Variants in TRMT9B observed in about 807,000 individuals in gnomAD.
TRMT9B encodes the protein tRNA methyltransferase 9B (putative).
In TRMT9B, 16 loss-of-function variants were observed where a neutral mutation model predicts 11.5. That is an observed-to-expected ratio of 1.39 (90% CI 0.94 to 2.11). TRMT9B has a LOEUF of 2.11. TRMT9B is among the 30% of genes most tolerant of loss of function. The pLI, the probability that TRMT9B is intolerant of heterozygous loss-of-function variation, is 0.00. For synonymous variants in TRMT9B, 274 were observed against 192.4 expected (o/e 1.42, Z -3.51); for missense variants, 941 against 553.8 (o/e 1.70, Z -7.02).
intron 2 of TRMT9B, among the ~76,000 whole-genome samples, chr8:13,004,546 T>A (rs564574433): frequency 6.4e-4 from 97 of 152,074 alleles, no homozygotes; most frequent in African/African-American, 2.3e-3. Flanking sequence ...CCAGATGATA[T>A]TTCTAGACAC....
intron 3 of TRMT9B, chr8:13,010,166 T>A: frequency 1.1e-5 from 8 of 719,860 alleles, no homozygotes; most frequent in African/African-American, 1.9e-5. Flanking sequence ...TCACAAATAA[T>A]ATTCTTTAAA....
At chr8:13,010,018 G>C (rs1028842501) in intron 3 of TRMT9B, among the ~76,000 whole-genome samples, 7 of 151,820 alleles carry the variant, frequency 4.6e-5, no homozygotes, top group African/African-American at 1.7e-4. Context: ...CGTGCCTGTA[G>C]TCTCAGCTAC....
At chr8:12,961,795 G>C (rs1802151746) in intron 1 of TRMT9B, 1 of 151,806 alleles carries the variant, frequency 6.6e-6, no homozygotes, top group Non-Finnish European at 1.5e-5. Context: ...CAAGTCAAAA[G>C]AATTAACAAA....
intron 1 of TRMT9B, among the ~76,000 whole-genome samples, chr8:12,986,093 C>G (rs1585211988): frequency 6.6e-6 from 1 of 152,114 alleles, no homozygotes; most frequent in Non-Finnish European, 1.5e-5. Context: ...AACTCCTGAC[C>G]TCAGGTGATC....
In TRMT9B at chr8:12,990,917, AT is replaced by A. The variant is rs1313216607; in HGVS notation, c.-113del. 2.3e-6 allele frequency: 3 copies of A among 1,289,398 alleles called. No homozygotes were observed. The highest frequency in any genetic ancestry group is 2.5e-5 in the South Asian group (2 of 80,992). 79.9% of individuals were successfully genotyped at this position (1,289,398 alleles called of 1,614,324 possible). A position where few individuals can be genotyped will look rare whatever the true frequency, so the allele number is the denominator to read the frequency against. On this transcript the variant is annotated 5_prime_UTR_variant, in exon 2 of 5. An upstream open reading frame in the 5' UTR gains an earlier in-frame stop. Transcript: ENST00000524591. The stretch of plus-strand genomic sequence containing the variant: ...TTTCATTTCACTCCTACAAGTTTTC[AT>A]TTACGTTACACATTGAGAAAGTTAT...
chr8:12,986,116 C>T (rs1157199222), intron 1 of TRMT9B, among the ~76,000 whole-genome samples: 2 of 152,172 alleles, frequency 1.3e-5, no homozygotes, highest in South Asian at 4.1e-4. Flanking sequence ...CCTATCCCGG[C>T]CTCCCAAAGT....
chr8:12,972,280 C>A (rs1803753624), intron 1 of TRMT9B, among the ~76,000 whole-genome samples: 2 of 152,098 alleles, frequency 1.3e-5, no homozygotes, highest in Admixed American at 6.6e-5. Context: ...AGAGCTGGGA[C>A]CCAGACTCCC....
intron 1 of TRMT9B, among the ~76,000 whole-genome samples, chr8:12,976,291 C>T (rs1345582122): frequency 6.6e-6 from 1 of 152,116 alleles, no homozygotes; most frequent in Non-Finnish European, 1.5e-5. Context: ...GAGACCATTT[C>T]ACCATCGTAA....
chr8:12,965,210 A>G (rs1165047726), intron 1 of TRMT9B, among the ~76,000 whole-genome samples: 2 of 152,254 alleles, frequency 1.3e-5, no homozygotes, highest in Non-Finnish European at 1.5e-5. Flanking sequence ...TGTGTGTGAT[A>G]TAAGCATTCA....
chr8:12,993,624 A>T (rs1441985933), intron 2 of TRMT9B, among the ~76,000 whole-genome samples: 1 of 152,210 alleles, frequency 6.6e-6, no homozygotes, highest in Non-Finnish European at 1.5e-5. Flanking sequence ...AGGTGCCAGC[A>T]CTGTGACAAC....
chr8:12,992,234 C>T (rs1427670175), intron 2 of TRMT9B, among the ~76,000 whole-genome samples: 3 of 152,206 alleles, frequency 2.0e-5, no homozygotes, highest in African/African-American at 4.8e-5. Context: ...TATATAAAAA[C>T]ATCACATTTC....
At chr8:12,950,361 G>T (rs1800500222) in intron 1 of TRMT9B, among the ~76,000 whole-genome samples, 1 of 152,138 alleles carries the variant, frequency 6.6e-6, no homozygotes, top group Non-Finnish European at 1.5e-5. Flanking sequence ...CTTTAGGTAT[G>T]CTTTGTCTCC....
intron 1 of TRMT9B, among the ~76,000 whole-genome samples, chr8:12,967,011 G>A (rs983643146): frequency 1.3e-5 from 2 of 152,142 alleles, no homozygotes; most frequent in Admixed American, 6.6e-5. Context: ...TACAGACACC[G>A]ACGGTGAATA....
intron 1 of TRMT9B, among the ~76,000 whole-genome samples, chr8:12,977,904 C>G (rs536474053): frequency 3.3e-5 from 5 of 152,092 alleles, no homozygotes; most frequent in Non-Finnish European, 7.4e-5. Context: ...TGGCATGTGC[C>G]TTTAGTCCCA....
Position 13,018,350 on chromosome 8 carries a change from T to A in TRMT9B, c.329-2658T>A, listed in dbSNP as rs1305256939. 1.5e-4 allele frequency among the ~76,000 whole-genome samples: 22 copies of A among 144,912 alleles called. No individual in the cohort carries two copies. In the Admixed American group the frequency reaches 1.6e-3, roughly 10 times the overall value. On this transcript the variant is annotated intron_variant, in intron 4 of 4. Transcript: ENST00000524591. The stretch of plus-strand genomic sequence containing the variant: ...TCAGAAGGCAGAGGCTGCAGCAAGC[T>A]GAGATGGAGCCACTACATCCTGGGT...
rs1563491690 is a variant in TRMT9B, at chr8:13,028,577, T to TTCTTTTCTTTTTTC, written c.*6534_*6535insCTTTTCTTTTTTCT. ...AAGCACTTTTCTCTTTTCTTTTCTT[T>TTCTTTTCTTTTTTC]TTTTTTTTTTTTTTTTGAGACAGTG... On this transcript the variant is annotated 3_prime_UTR_variant, in exon 5 of 5. Transcript: ENST00000524591. 2.6e-4 allele frequency: 35 copies of TTCTTTTCTTTTTTC among 135,296 alleles called. No homozygotes were observed. Among genetic ancestry groups the TTCTTTTCTTTTTTC allele is most frequent in the African/African-American group, 1.0e-3 (35 of 34,918 alleles). 8.4% of individuals were successfully genotyped at this position (135,296 alleles called of 1,614,324 possible). A position where few individuals can be genotyped will look rare whatever the true frequency, so the allele number is the denominator to read the frequency against.
At chr8:12,952,710 G>C (rs1800786434) in intron 1 of TRMT9B, 1 of 981,036 alleles carries the variant, frequency 1.0e-6, no homozygotes, top group Non-Finnish European at 1.2e-6. Context: ...GGAAGGTAAG[G>C]ATTTGTATGA....
At chr8:12,993,766 A>T in intron 2 of TRMT9B, among the ~76,000 whole-genome samples, 1 of 152,170 alleles carries the variant, frequency 6.6e-6, no homozygotes, top group East Asian at 1.9e-4. Context: ...CATCTCTTTC[A>T]CTGTGGCCCC....
chr8:12,987,883 G>A (rs752507813), intron 1 of TRMT9B, among the ~76,000 whole-genome samples: 2 of 152,166 alleles, frequency 1.3e-5, no homozygotes. Flanking sequence ...GTGGCTCTCT[G>A]TGGCTTCCCA....
Sources: allele counts gnomAD v4.1 joint callset (sites outside exome capture counted in the v4.1 genomes callset), GRCh38; gene constraint gnomAD v4.1.1; transcripts MANE v1.5; gene names NCBI Gene and HGNC (gene_info 2026-07-23, HGNC 2026-07-21).